Variants in POU2F3 observed in about 807,000 individuals in gnomAD.
POU2F3 encodes POU class 2 homeobox 3.
In POU2F3, 23 loss-of-function variants were observed where a neutral mutation model predicts 59.2. The ratio of observed to expected loss-of-function variants is 0.39; its 90% CI spans 0.28 to 0.55. POU2F3 has a LOEUF of 0.55. Ranked by LOEUF, POU2F3 falls within the 20% of genes least tolerant of loss-of-function variation. POU2F3 has a pLI of 0.66. For missense variants in POU2F3, 473 were observed against 544.5 expected (o/e 0.87, Z 1.31); for synonymous variants, 190 against 214.6 (o/e 0.89, Z 1.00).
At chr11:120,317,563 G>A (rs1417718492) in intron 12 of POU2F3, among the ~76,000 whole-genome samples, 199 bp downstream of exon 12, 1 of 152,224 alleles carries the variant, frequency 6.6e-6, no homozygotes, top group Non-Finnish European at 1.5e-5. Context: ...GCTTCAGTCA[G>A]TGAGCCATCC....
chr11:120,261,345 C>T (rs1939596478), intron 2 of POU2F3: 1 of 152,198 alleles, frequency 6.6e-6, no homozygotes, highest in Non-Finnish European at 1.5e-5. Flanking sequence ...AATAATAAAA[C>T]CACATCTTCC....
At chr11:120,277,367 G>C (rs1284180526) in intron 3 of POU2F3, among the ~76,000 whole-genome samples, 3 of 152,068 alleles carry the variant, frequency 2.0e-5, no homozygotes, top group Non-Finnish European at 4.4e-5. Flanking sequence ...GCCCATATGG[G>C]ACCAAGCCAC....
At chr11:120,265,411 C>T (rs965496925) in intron 2 of POU2F3, 2 of 152,230 alleles carry the variant, frequency 1.3e-5, no homozygotes, top group Non-Finnish European at 2.9e-5. Context: ...ATGGCTGGCC[C>T]CTGCACTCTA....
chr11:120,257,376 C>G (rs1325137544), intron 2 of POU2F3, among the ~76,000 whole-genome samples: 1 of 151,978 alleles, frequency 6.6e-6, no homozygotes, highest in Non-Finnish European at 1.5e-5. Context: ...AGAGCTTCCC[C>G]TCCGCCTACC....
intron 2 of POU2F3, among the ~76,000 whole-genome samples, chr11:120,248,351 T>A (rs1203326758): frequency 6.6e-6 from 1 of 152,214 alleles, no homozygotes; most frequent in East Asian, 1.9e-4. Flanking sequence ...CCTGAAAATT[T>A]ATCCTTGTCC....
chr11:120,284,704 T>C (rs964797870), intron 3 of POU2F3, among the ~76,000 whole-genome samples: 3 of 152,234 alleles, frequency 2.0e-5, no homozygotes, highest in African/African-American at 4.8e-5. Flanking sequence ...AACAGTGTGG[T>C]TGGGGACATC....
chr11:120,237,013 A>G (rs1425465744), upstream of POU2F3, among the ~76,000 whole-genome samples: 2 of 152,168 alleles, frequency 1.3e-5, no homozygotes, highest in African/African-American at 4.8e-5. Flanking sequence ...TCGTTATCTG[A>G]TAAGAGAAGG....
intron 2 of POU2F3, among the ~76,000 whole-genome samples, chr11:120,264,000 C>G (rs1175844104): frequency 6.6e-6 from 1 of 152,180 alleles, no homozygotes; most frequent in African/African-American, 2.4e-5. Flanking sequence ...TATAATAACC[C>G]TGGCCTCTGG....
intron 3 of POU2F3, among the ~76,000 whole-genome samples, chr11:120,281,928 G>C (rs988753528): frequency 2.0e-5 from 3 of 152,130 alleles, no homozygotes; most frequent in African/African-American, 7.2e-5. Flanking sequence ...TGAGTGTAAA[G>C]TGTCTTGGAC....
chr11:120,281,596 A>C (rs947064657), intron 3 of POU2F3, among the ~76,000 whole-genome samples: 12 of 151,992 alleles, frequency 7.9e-5, no homozygotes, highest in African/African-American at 1.7e-4. Flanking sequence ...CCAAATGCTG[A>C]AGATAACTTA....
intron 3 of POU2F3, among the ~76,000 whole-genome samples, chr11:120,273,006 C>A (rs1940145955): frequency 6.6e-6 from 1 of 152,188 alleles, no homozygotes; most frequent in Non-Finnish European, 1.5e-5. Context: ...TTATCTCTTG[C>A]CATAATTTGG....
chr11:120,294,537 C>T lies in POU2F3; in HGVS notation c.133-3728C>T, dbSNP rs1358591463. Among the ~76,000 whole-genome samples the T allele has an allele frequency of 2.0e-5, 3 of 152,230 alleles. No individual in the cohort carries two copies. The East Asian group carries it at 5.8e-4, about 29-fold the overall frequency. ...CACATTAGAAGTCAATGGGATCCAA[C>T]AGAAGTCTCTCTATCTCATCTTCCA... On this transcript the variant is annotated intron_variant, in intron 3 of 12. Transcript: ENST00000543440.
Position 120,282,536 on chromosome 11 carries a change from A to G in POU2F3, c.132+13292A>G, listed in dbSNP as rs141354572. ...CCAGGCATGGTGGCGGGCACCTGTA[A>G]TCCCAGCTATTCTGGAGGCTAAGGC... On this transcript the variant is annotated intron_variant, in intron 3 of 12. Transcript: ENST00000543440. Among the ~76,000 whole-genome samples the G allele has an allele frequency of 2.9e-3, 444 of 152,304 alleles. 3 individuals carry two copies. Among genetic ancestry groups the G allele is most frequent in the African/African-American group, 0.01 (424 of 41,564 alleles).
At chr11:120,279,894 G>A (rs893678164) in intron 3 of POU2F3, among the ~76,000 whole-genome samples, 1 of 152,206 alleles carries the variant, frequency 6.6e-6, no homozygotes, top group African/African-American at 2.4e-5. Flanking sequence ...AGCTGATTCC[G>A]GCTCCAGCAC....
intron 10 of POU2F3, among the ~76,000 whole-genome samples, chr11:120,312,484 G>A (rs896542428): frequency 5.9e-5 from 9 of 152,130 alleles, no homozygotes; most frequent in Non-Finnish European, 1.5e-5. Context: ...TTTCAGTCTG[G>A]CTGGAGCAAA....
At position 120,309,562 on chromosome 11, in the gene POU2F3, A is replaced by G. The variant is rs146242937; in HGVS notation, c.1044A>G (p.Lys348=). The G allele has an allele frequency of 2.7e-5, 43 of 1,613,766 alleles. No homozygotes were observed. The highest frequency in any genetic ancestry group is 2.9e-5 in the Non-Finnish European group (34 of 1,179,892). Residue 348 remains lysine, a synonymous_variant, in exon 10 of 13, where the codon AAA becomes AAG. Transcript: ENST00000543440. ...RINCPVATPI[K]PPVYNSRLVS... ...ACTGCCCTGTGGCCACACCCATCAA[A>G]CCACCTGTCTACAACTCCCGGCTGG...
At chr11:120,260,371 G>A (rs1287540076) in intron 2 of POU2F3, among the ~76,000 whole-genome samples, 4 of 152,352 alleles carry the variant, frequency 2.6e-5, no homozygotes, top group Non-Finnish European at 4.4e-5. Context: ...GGGAGCTCAG[G>A]TCACTGTTGG....
Position 120,312,168 on chromosome 11 carries a change from GGCTGGAGT to G in POU2F3, c.1068+2585_1068+2592del, listed in dbSNP as rs569078178. On this transcript the variant is annotated intron_variant, in intron 10 of 12. Coordinates refer to ENST00000543440, the MANE Select transcript of POU2F3 (RefSeq NM_014352.4). The stretch of plus-strand genomic sequence containing the variant: ...GACAGAGTTTTGCTCTTTTTGCCCA[GGCTGGAGT>G]GCAATGGTGCGATCTAGGCTCACTG... Among the ~76,000 whole-genome samples the G allele has an allele frequency of 3.2e-3, 491 of 152,154 alleles. 1 individual carries two copies. Among genetic ancestry groups the G allele is most frequent in the Non-Finnish European group, 6.2e-3 (422 of 67,998 alleles).
rs752641556 is a variant in POU2F3, at chr11:120,299,627, A to T, written c.262A>T (p.Met88Leu). The T allele has an allele frequency of 6.2e-7, 1 of 1,613,232 alleles. No homozygotes were observed. Among genetic ancestry groups the T allele is most frequent in the East Asian group, 2.2e-5 (1 of 44,876 alleles). The change falls in exon 5 of 13, where the codon ATG becomes TTG. Residue 88 changes from methionine (M) to leucine (L), a missense_variant. Physicochemically the swap from Met to Leu is conservative, Grantham distance 15. Transcript: ENST00000543440. ...ATGTGTATCTCTCCGTGTGTAGGACATGGCTTCCCTCCATCCGCTCCAGCA... is the reference window on the plus strand; with the variant it reads ...ATGTGTATCTCTCCGTGTGTAGGACTTGGCTTCCCTCCATCCGCTCCAGCA... ...SGLNASPCQD[M>L]ASLHPLQQLV...
Sources: gnomAD v4.1 joint callset for allele counts (sites outside exome capture counted in the v4.1 genomes callset) on GRCh38, gnomAD v4.1.1 for gene constraint, MANE v1.5 for transcripts, NCBI Gene and HGNC (gene_info 2026-07-23, HGNC 2026-07-21) for gene names.